ST3GAL5: variants seen among roughly 807,000 people sequenced by gnomAD.
ST3GAL5 encodes lactosylceramide alpha-2,3-sialyltransferase.
A neutral mutation model predicts 46.1 loss-of-function variants in ST3GAL5; 25 were observed. The observed-to-expected ratio is 0.54, with a 90% CI of 0.40 to 0.76. ST3GAL5 has a LOEUF of 0.76. Among genes scored for constraint, ST3GAL5 ranks in the 30% least tolerant of loss-of-function variants. The pLI, the probability that ST3GAL5 is intolerant of heterozygous loss-of-function variation, is 0.00. For missense variants in ST3GAL5, 431 were observed against 521.2 expected (o/e 0.83, Z 1.69); for synonymous variants, 182 against 192.7 (o/e 0.94, Z 0.46).
At chr2:85,854,150 AT>A (rs1314672141) in intron 3 of ST3GAL5, 1 of 151,744 alleles carries the variant, frequency 6.6e-6, no homozygotes, top group Non-Finnish European at 1.5e-5. Flanking sequence ...TATTACTTGA[AT>A]TTTTGGTGTT....
In ST3GAL5 at chr2:85,839,431, TC is replaced by T. The variant is rs1232824704; in HGVS notation, c.*712del. The T allele has an allele frequency of 6.5e-6, 1 of 153,146 alleles. No individual in the cohort carries two copies. Among genetic ancestry groups the T allele is most frequent in the Non-Finnish European group, 1.5e-5 (1 of 68,758 alleles). The allele number at this position is 153,146 out of a possible 1,614,324, so 9.5% of individuals were successfully genotyped here. ...AGTGCTTTGAAAGGGCAGTAAAAAA[TC>T]CCCAAGGAATTCAAGAATTGTAATA... On this transcript the variant is annotated 3_prime_UTR_variant, in exon 7 of 7. Coordinates refer to ENST00000638572, the MANE Select transcript of ST3GAL5 (RefSeq NM_003896.4).
intron 1 of ST3GAL5, among the ~76,000 whole-genome samples, chr2:85,881,707 G>T (rs7587003): frequency 0.55 from 84,185 of 152,038 alleles, 23,785 homozygotes; most frequent in East Asian, 0.68. Context: ...AAGAGGTGAC[G>T]TGGGTACTGT....
intron 5 of ST3GAL5, 164 bp downstream of exon 5, chr2:85,846,213 G>T: frequency 1.4e-6 from 1 of 690,650 alleles, no homozygotes; most frequent in Non-Finnish European, 2.5e-6. Context: ...CCAAAAAAAA[G>T]AATTGCTGAG....
At chr2:85,864,272 C>T (rs546892075) in intron 1 of ST3GAL5, among the ~76,000 whole-genome samples, 10 of 152,078 alleles carry the variant, frequency 6.6e-5, no homozygotes, top group East Asian at 3.9e-4. Flanking sequence ...GTTTTACAAC[C>T]GCATGTGAAT....
intron 1 of ST3GAL5, among the ~76,000 whole-genome samples, chr2:85,877,060 T>C (rs1319089103): frequency 1.3e-5 from 2 of 152,264 alleles, no homozygotes; most frequent in African/African-American, 2.4e-5. Flanking sequence ...TCCATTGGTA[T>C]ACTGTGTGCA....
At position 85,863,459 on chromosome 2, in the gene ST3GAL5, T is replaced by G. The variant is rs1684941854; in HGVS notation, c.109A>C (p.Lys37Gln). The G allele has an allele frequency of 5.0e-6, 8 of 1,614,190 alleles. No homozygotes were observed. Among genetic ancestry groups the G allele is most frequent in the Non-Finnish European group, 6.8e-6 (8 of 1,180,038 alleles). ...GGCCTCGAGCAATCACTTCTCAGTT[T>G]CACATAGGTGTACTCACTTGGCATT... ...RAMPSEYTYV[K>Q]LRSDCSRPSL... The change falls in exon 2 of 7, where the codon AAA (lysine) becomes CAA (glutamine). Residue 37 changes from lysine (K) to glutamine (Q), a missense_variant. Coordinates refer to ENST00000638572, the MANE Select transcript of ST3GAL5 (RefSeq NM_003896.4).
rs1681641490 is a variant in ST3GAL5, at chr2:85,838,179, C to T, written c.*1965G>A. 1.3e-5 allele frequency: 2 copies of T among 152,134 alleles called. No homozygotes were observed. The highest frequency in any genetic ancestry group is 6.6e-5 in the Admixed American group (1 of 15,260). 9.4% of individuals were successfully genotyped at this position (152,134 alleles called of 1,614,324 possible). A position where few individuals can be genotyped will look rare whatever the true frequency, so the allele number is the denominator to read the frequency against. On this transcript the variant is annotated 3_prime_UTR_variant, in exon 7 of 7. Transcript: ENST00000638572. ...AAGTTGAGAGACATGAGCAAAGCAACCTAAGGATGCAAGAAGGGCCTTACA... is the reference window on the plus strand; with the variant it reads ...AAGTTGAGAGACATGAGCAAAGCAATCTAAGGATGCAAGAAGGGCCTTACA...
chr2:85,865,772 T>C (rs1016199137), intron 1 of ST3GAL5: 1 of 152,310 alleles, frequency 6.6e-6, no homozygotes, highest in Admixed American at 6.5e-5. Flanking sequence ...AGGTGCTCTG[T>C]TGCTGAGCCA....
chr2:85,869,909 A>G (rs2104137441), intron 1 of ST3GAL5, among the ~76,000 whole-genome samples: 1 of 152,252 alleles, frequency 6.6e-6, no homozygotes, highest in East Asian at 1.9e-4. Flanking sequence ...TGTCACAAAT[A>G]GCTCCCCACA....
At chr2:85,863,307 T>C (rs1232016502) in intron 2 of ST3GAL5, 55 bp downstream of exon 2, 4 of 1,611,968 alleles carry the variant, frequency 2.5e-6, no homozygotes, top group Non-Finnish European at 3.4e-6. Flanking sequence ...TTTCTCCTAG[T>C]TCTACACAGT....
Position 85,847,881 on chromosome 2 carries a change from G to T in ST3GAL5, c.642C>A (p.Asn214Lys). Residue 214 changes from asparagine to lysine, a missense_variant, in exon 4 of 7, where the codon AAC becomes AAA. Asn to Lys is a moderately conservative substitution (Grantham distance 94). Coordinates refer to ENST00000638572, the MANE Select transcript of ST3GAL5 (RefSeq NM_003896.4). ...LHGLELGHTL[N>K]QFDVVIRLNS... ...TGTACCTTATCACAACATCGAACTG[G>T]TTCAGGGTGTGGCCCAGTTCTAATC... 1 of 1,613,986 alleles carries T rather than the reference G, an allele frequency of 6.2e-7. No homozygotes were observed. The highest frequency in any genetic ancestry group is 8.5e-7 in the Non-Finnish European group (1 of 1,180,026).
intron 3 of ST3GAL5, among the ~76,000 whole-genome samples, chr2:85,859,811 T>G (rs1377456569): frequency 6.6e-6 from 1 of 152,214 alleles, no homozygotes; most frequent in East Asian, 1.9e-4. Flanking sequence ...ATTTCACAGT[T>G]GAGAAAACTG....
intron 4 of ST3GAL5, chr2:85,847,425 G>T: frequency 9.9e-7 from 1 of 1,011,078 alleles, no homozygotes; most frequent in Non-Finnish European, 1.2e-6. Context: ...CAGTATGACA[G>T]TTTGGAGCAT....
At chr2:85,864,384 T>C (rs1395963809) in intron 1 of ST3GAL5, among the ~76,000 whole-genome samples, 1 of 152,064 alleles carries the variant, frequency 6.6e-6, no homozygotes, top group Non-Finnish European at 1.5e-5. Flanking sequence ...AAAAATGAGA[T>C]CTGCTTCAAG....
intron 2 of ST3GAL5, among the ~76,000 whole-genome samples, chr2:85,862,308 C>T (rs1684815206): frequency 6.6e-6 from 1 of 152,076 alleles, no homozygotes; most frequent in South Asian, 2.1e-4. Context: ...TTCTCATATA[C>T]ACAAGAAACC....
At chr2:85,842,831 G>A (rs1024205350) in intron 6 of ST3GAL5, among the ~76,000 whole-genome samples, 1 of 151,050 alleles carries the variant, frequency 6.6e-6, no homozygotes, top group African/African-American at 2.4e-5. Flanking sequence ...GGGCGATCTC[G>A]GCTCATTGCA....
chr2:85,863,709 C>CTT (rs144021958), intron 1 of ST3GAL5, among the ~76,000 whole-genome samples: 3 of 144,882 alleles, frequency 2.1e-5, no homozygotes, highest in Non-Finnish European at 4.6e-5. Flanking sequence ...TCTCAACATT[C>CTT]TTTTTTTTTT....
intron 1 of ST3GAL5, among the ~76,000 whole-genome samples, chr2:85,869,878 G>C (rs911661999): frequency 9.2e-5 from 14 of 152,142 alleles, no homozygotes; most frequent in Admixed American, 5.2e-4. Flanking sequence ...TGGCACTGCA[G>C]CTTCAGCTAG....
At chr2:85,866,424 C>G (rs1241329523) in intron 1 of ST3GAL5, among the ~76,000 whole-genome samples, 1 of 152,240 alleles carries the variant, frequency 6.6e-6, no homozygotes, top group African/African-American at 2.4e-5. Context: ...TTTATCGCCT[C>G]AAAGCCGTCT....
Sources: allele counts gnomAD v4.1 joint callset (sites outside exome capture counted in the v4.1 genomes callset), GRCh38; gene constraint gnomAD v4.1.1; transcripts MANE v1.5; gene names NCBI Gene and HGNC (gene_info 2026-07-23, HGNC 2026-07-21).